The following SLC17A6 variants were observed in gnomAD, a reference collection of about 807,000 sequenced individuals.
The protein encoded by SLC17A6 is vesicular glutamate transporter 2.
A neutral mutation model predicts 67.1 loss-of-function variants in SLC17A6; 35 were observed. That is an observed-to-expected ratio of 0.52 (90% confidence interval 0.40 to 0.69). The LOEUF (loss-of-function observed/expected upper bound fraction) is 0.69, where lower values mean the gene tolerates loss of function less well. Ranked by LOEUF, SLC17A6 falls within the 30% of genes least tolerant of loss-of-function variation. SLC17A6 has a pLI of 0.00. For missense variants in SLC17A6, 588 were observed against 723.9 expected, an observed-to-expected ratio of 0.81 and a Z score of 2.15; for synonymous variants, 285 against 252.3, an observed-to-expected ratio of 1.13 and a Z score of -1.23.
At chr11:22,362,636 T>G in intron 5 of SLC17A6, 103 bp from the exon 6 acceptor site, 2 of 910,952 alleles carry the variant, frequency 2.2e-6, no homozygotes, top group Non-Finnish European at 3.6e-6. Context: ...CCCATGTACC[T>G]GAGTGTTCCA....
chr11:22,357,290 G>A (rs1856002483), intron 3 of SLC17A6, among the ~76,000 whole-genome samples: 1 of 152,182 alleles, frequency 6.6e-6, no homozygotes, highest in Admixed American at 6.5e-5. Context: ...GGCATGTGAA[G>A]CGTTAATATG....
chr11:22,343,561 G>A (rs1454530181), intron 3 of SLC17A6, among the ~76,000 whole-genome samples, 196 bp downstream of exon 3: 1 of 152,162 alleles, frequency 6.6e-6, no homozygotes, highest in Non-Finnish European at 1.5e-5. Context: ...AACGAATGTA[G>A]GCTCTCTGGG....
intron 5 of SLC17A6, 52 bp downstream of exon 5, chr11:22,361,036 T>G (rs1005474344): frequency 6.6e-7 from 1 of 1,512,006 alleles, no homozygotes; most frequent in Non-Finnish European, 9.1e-7. Flanking sequence ...TAGGAACAAC[T>G]TGAATAAGAA....
chr11:22,376,537 T>C lies in SLC17A6; in HGVS notation c.1286-8T>C. ...TGCCCTGAGTCAAAACTTATGTGTG[T>C]ATTTCAGGTTTCAATGTTAACCACT... On this transcript the variant is annotated splice_region_variant and splice_polypyrimidine_tract_variant and intron_variant, in intron 10 of 11. Coordinates refer to ENST00000263160, the MANE Select transcript of SLC17A6 (RefSeq NM_020346.3). The C allele has an allele frequency of 6.2e-7, 1 of 1,613,874 alleles. No individual in the cohort carries two copies. Among genetic ancestry groups the C allele is most frequent in the East Asian group, 2.2e-5 (1 of 44,816 alleles).
At chr11:22,376,712 T>G (rs752107590) in intron 11 of SLC17A6, 40 bp downstream of exon 11, 2 of 1,606,170 alleles carry the variant, frequency 1.2e-6, no homozygotes, top group East Asian at 4.5e-5. Context: ...TAGAAGACAG[T>G]TTCTCAAAAT....
At chr11:22,365,240 C>T (rs1219362564) in intron 6 of SLC17A6, among the ~76,000 whole-genome samples, 1 of 152,140 alleles carries the variant, frequency 6.6e-6, no homozygotes, top group Non-Finnish European at 1.5e-5. Flanking sequence ...GCCTAGAATG[C>T]TAACTGCTAA....
intron 6 of SLC17A6, among the ~76,000 whole-genome samples, chr11:22,364,035 A>C (rs1292602911): frequency 6.6e-6 from 1 of 152,184 alleles, no homozygotes; most frequent in Non-Finnish European, 1.5e-5. Flanking sequence ...CATTATTTCA[A>C]GTTATATCTC....
At chr11:22,362,287 G>T in intron 5 of SLC17A6, 1 of 416,502 alleles carries the variant, frequency 2.4e-6, no homozygotes, top group East Asian at 6.0e-5. Flanking sequence ...CTAACAAAGA[G>T]ACCGCTGGCA....
In SLC17A6 at chr11:22,341,818, G is replaced by T. The variant is rs778699548; in HGVS notation, c.339+38G>T. 1.9e-6 allele frequency: 3 copies of T among 1,605,698 alleles called. 1 individual carries two copies. In the Admixed American group the frequency reaches 5.0e-5, roughly 27 times the overall value. On this transcript the variant is annotated intron_variant, in intron 2 of 11. Coordinates refer to ENST00000263160, the MANE Select transcript of SLC17A6 (RefSeq NM_020346.3). ...TGGCCGCCCTGGCTCCTGCCCTTCG[G>T]CCATGCGGCCTCGCAAAACCACATC...
intron 3 of SLC17A6, among the ~76,000 whole-genome samples, chr11:22,350,892 T>G (rs1205444536): frequency 6.6e-6 from 1 of 152,188 alleles, no homozygotes; most frequent in Admixed American, 6.5e-5. Context: ...GAGTTTACTG[T>G]TAAAAATTGT....
intron 3 of SLC17A6, among the ~76,000 whole-genome samples, chr11:22,345,808 A>G (rs1855869386): frequency 6.6e-6 from 1 of 152,166 alleles, no homozygotes. Flanking sequence ...TTATAACAAT[A>G]TTGCACATTA....
At chr11:22,358,573 G>A (rs555317438) in intron 3 of SLC17A6, among the ~76,000 whole-genome samples, 12 of 152,116 alleles carry the variant, frequency 7.9e-5, no homozygotes, top group Non-Finnish European at 1.6e-4. Flanking sequence ...CTTGTGATCC[G>A]CTCGCCTCGG....
chr11:22,343,808 C>T (rs1256123586), intron 3 of SLC17A6, among the ~76,000 whole-genome samples: 1 of 152,172 alleles, frequency 6.6e-6, no homozygotes, highest in African/African-American at 2.4e-5. Context: ...CCTCGAAGAC[C>T]TGGCCCCGTC....
At chr11:22,355,153 C>T (rs1464004901) in intron 3 of SLC17A6, among the ~76,000 whole-genome samples, 4 of 152,098 alleles carry the variant, frequency 2.6e-5, no homozygotes, top group Non-Finnish European at 4.4e-5. Flanking sequence ...AAATGAGGAA[C>T]AGAAAGTTAC....
In SLC17A6 at chr11:22,379,491, C is replaced by T. The variant is rs535341905; in HGVS notation, c.*1751C>T. 6.6e-6 allele frequency: 1 copy of T among 152,280 alleles called. No homozygotes were observed. Among genetic ancestry groups the T allele is most frequent in the East Asian group, 1.9e-4 (1 of 5,150 alleles). 9.4% of individuals were successfully genotyped at this position (152,280 alleles called of 1,614,324 possible). A position where few individuals can be genotyped will look rare whatever the true frequency, so the allele number is the denominator to read the frequency against. On this transcript the variant is annotated 3_prime_UTR_variant, in exon 12 of 12. Coordinates refer to ENST00000263160, the MANE Select transcript of SLC17A6 (RefSeq NM_020346.3). ...GTGTTAATAAAATGCTCTATTTATCCTTTTTTTAAAAAGCAGTGCATTAAT... is the reference window on the plus strand; with the variant it reads ...GTGTTAATAAAATGCTCTATTTATCTTTTTTTTAAAAAGCAGTGCATTAAT...
Position 22,377,746 on chromosome 11 carries a change from C to G in SLC17A6, c.*6C>G, listed in dbSNP as rs750065418. The G allele has an allele frequency of 1.3e-6, 2 of 1,533,188 alleles. No individual in the cohort carries two copies. Among genetic ancestry groups the G allele is most frequent in the Admixed American group, 4.3e-5 (2 of 46,238 alleles). The allele number at this position is 1,533,188 out of a possible 1,614,324, so 95.0% of individuals were successfully genotyped here. ...ACCGAGTTGATTATTCATAACAAAACTAATTACTGGATTTATTTTTAGTGT... is the reference window on the plus strand; with the variant it reads ...ACCGAGTTGATTATTCATAACAAAAGTAATTACTGGATTTATTTTTAGTGT... On this transcript the variant is annotated 3_prime_UTR_variant, in exon 12 of 12. Coordinates refer to ENST00000263160, the MANE Select transcript of SLC17A6 (RefSeq NM_020346.3).
At chr11:22,345,123 T>C (rs1389536839) in intron 3 of SLC17A6, among the ~76,000 whole-genome samples, 1 of 152,086 alleles carries the variant, frequency 6.6e-6, no homozygotes, top group Non-Finnish European at 1.5e-5. Context: ...TGCTAACATT[T>C]TCCTGCCGGG....
At chr11:22,339,908 G>A (rs1855794313) in intron 1 of SLC17A6, among the ~76,000 whole-genome samples, 1 of 149,506 alleles carries the variant, frequency 6.7e-6, no homozygotes, top group Non-Finnish European at 1.5e-5. Context: ...TGCAGGAAAT[G>A]AAAAAAAAAA....
chr11:22,346,079 C>A (rs569585687), intron 3 of SLC17A6, among the ~76,000 whole-genome samples: 1 of 152,160 alleles, frequency 6.6e-6, no homozygotes, highest in South Asian at 2.1e-4. Flanking sequence ...TTCAAATAAG[C>A]TTCTCTATAT....
Sources: allele counts gnomAD v4.1 joint callset (sites outside exome capture counted in the v4.1 genomes callset), GRCh38; gene constraint gnomAD v4.1.1; transcripts MANE v1.5; gene names NCBI Gene and HGNC (gene_info 2026-07-23, HGNC 2026-07-21).